Variants in TMEM135 observed in about 807,000 individuals in gnomAD.
The protein encoded by TMEM135 is peroxisomal membrane protein 52.
In TMEM135, 30 loss-of-function variants were observed where a neutral mutation model predicts 60.3. The ratio of observed to expected loss-of-function variants is 0.50; its 90% CI spans 0.37 to 0.68. TMEM135 has a LOEUF of 0.68. Among genes scored for constraint, TMEM135 ranks in the 30% least tolerant of loss-of-function variants. The probability of loss-of-function intolerance (pLI) is 0.00; values close to 1 mark genes in which losing one functional copy is unlikely to be tolerated. For missense variants in TMEM135, 468 were observed against 548.8 expected, an observed-to-expected ratio of 0.85 and a Z score of 1.47; for synonymous variants, 190 against 186.7, an observed-to-expected ratio of 1.02 and a Z score of -0.14.
intron 3 of TMEM135, among the ~76,000 whole-genome samples, chr11:87,073,223 C>T (rs140119225): frequency 0.014 from 2,202 of 152,090 alleles, 66 homozygotes; most frequent in African/African-American, 0.05. Context: ...TTAGTAGAGA[C>T]GGGGTTTCAC....
In TMEM135 at chr11:87,319,456, T is replaced by C. The variant is rs1942786548; in HGVS notation, c.1244+79T>C. 31 of 999,918 alleles carry C rather than the reference T, an allele frequency of 3.1e-5. No individual in the cohort carries two copies. The South Asian group carries it at 4.3e-4, about 14-fold the overall frequency. The allele number at this position is 999,918 out of a possible 1,614,324, so 61.9% of individuals were successfully genotyped here. On this transcript the variant is annotated intron_variant, in intron 14 of 14. Coordinates refer to ENST00000305494, the MANE Select transcript of TMEM135 (RefSeq NM_022918.4). ...AGGGAATATTCTTTCAGTGGTAAAGTAGGTATTTATATATAAATAAAATAT... is the reference window on the plus strand; with the variant it reads ...AGGGAATATTCTTTCAGTGGTAAAGCAGGTATTTATATATAAATAAAATAT...
At chr11:87,053,286 A>T (rs1191792226) in intron 1 of TMEM135, among the ~76,000 whole-genome samples, 3 of 78,708 alleles carry the variant, frequency 3.8e-5, no homozygotes, top group Non-Finnish European at 6.4e-5. Context: ...CAATTTGTGC[A>T]TAAGCAATAT....
At position 87,071,612 on chromosome 11, in the gene TMEM135, G is replaced by A; in HGVS notation, c.359G>A (p.Ser120Asn). Residue 120 changes from serine (S) to asparagine (N), a missense_variant, in exon 3 of 15, where the codon AGC becomes AAC. Ser to Asn is a conservative substitution (Grantham distance 46). Transcript: ENST00000305494. ...GTGGCCATTCTCATTGAAAGAAAAA[G>A]CAGGTAAAATTTCATATATTTATTT... ...SYVAILIERK[S>N]RRGLLTIYMA... The A allele has an allele frequency of 2.5e-6, 4 of 1,612,752 alleles. No homozygotes were observed. The highest frequency in any genetic ancestry group is 3.4e-6 in the Non-Finnish European group (4 of 1,179,462).
At chr11:87,305,128 A>G (rs1355833125) in intron 8 of TMEM135, among the ~76,000 whole-genome samples, 1 of 152,122 alleles carries the variant, frequency 6.6e-6, no homozygotes. Context: ...TTTCTTTTCC[A>G]GATGTTTTCT....
intron 1 of TMEM135, among the ~76,000 whole-genome samples, chr11:87,043,645 C>A (rs1480400023): frequency 6.6e-6 from 1 of 151,986 alleles, no homozygotes; most frequent in East Asian, 1.9e-4. Flanking sequence ...ATCACTTGAA[C>A]CTGGGAGGCG....
intron 3 of TMEM135, among the ~76,000 whole-genome samples, chr11:87,083,946 A>G (rs575915748): frequency 1.4e-4 from 21 of 152,186 alleles, no homozygotes; most frequent in African/African-American, 5.1e-4. Flanking sequence ...TTTATAGAAC[A>G]TATAATTATT....
Position 87,328,049 on chromosome 11 carries a change from C to G in TMEM135, c.*6716C>G, listed in dbSNP as rs1301150738. On this transcript the variant is annotated 3_prime_UTR_variant, in exon 15 of 15. Transcript: ENST00000305494. Reference sequence around the variant, plus strand: ...ACCCCAAAATAATGCCTTACCAGTTCTCTAGATATTCCTTAATCCAGTCAA... The same window carrying G: ...ACCCCAAAATAATGCCTTACCAGTTGTCTAGATATTCCTTAATCCAGTCAA... 8.8e-6 allele frequency: 4 copies of G among 453,964 alleles called. No homozygotes were observed. The highest frequency in any genetic ancestry group is 6.8e-4 in the Middle Eastern group (1 of 1,466). The allele number at this position is 453,964 out of a possible 1,614,324, so 28.1% of individuals were successfully genotyped here.
At chr11:87,081,951 C>A (rs1036588977) in intron 3 of TMEM135, among the ~76,000 whole-genome samples, 1 of 152,028 alleles carries the variant, frequency 6.6e-6, no homozygotes, top group East Asian at 1.9e-4. Flanking sequence ...TTATTGAACT[C>A]TTTGTGTATG....
intron 5 of TMEM135, among the ~76,000 whole-genome samples, chr11:87,226,342 T>A (rs1235780696): frequency 6.6e-6 from 1 of 152,232 alleles, no homozygotes; most frequent in Non-Finnish European, 1.5e-5. Flanking sequence ...GTTTCATGAA[T>A]GATTTCTTGT....
chr11:87,209,672 A>C (rs541048349), intron 5 of TMEM135, among the ~76,000 whole-genome samples: 3 of 152,128 alleles, frequency 2.0e-5, no homozygotes, highest in African/African-American at 7.2e-5. Flanking sequence ...CTTTAACTCA[A>C]CACGACCAGT....
chr11:87,195,676 T>C (rs1939938893), intron 5 of TMEM135, among the ~76,000 whole-genome samples: 1 of 152,022 alleles, frequency 6.6e-6, no homozygotes, highest in South Asian at 2.1e-4. Flanking sequence ...TCCCAAAGCG[T>C]TGGGATTACA....
chr11:87,105,025 A>T (rs532869190), intron 4 of TMEM135, among the ~76,000 whole-genome samples: 2 of 152,234 alleles, frequency 1.3e-5, no homozygotes, highest in East Asian at 1.9e-4. Context: ...TCAACTTTTC[A>T]CTGTTGAGTA....
At chr11:87,178,434 A>T (rs1490513738) in intron 5 of TMEM135, 1 of 456,110 alleles carries the variant, frequency 2.2e-6, no homozygotes, top group Non-Finnish European at 4.4e-6. Flanking sequence ...TTTCCTTAAC[A>T]TAATGCGTTT....
chr11:87,086,494 A>G (rs2512380), intron 3 of TMEM135, among the ~76,000 whole-genome samples: 82,933 of 151,882 alleles, frequency 0.55, 23,422 homozygotes, highest in East Asian at 0.71. Flanking sequence ...GAATTTTATT[A>G]AGCGGTGGAA....
chr11:87,233,559 CTT>C (rs2135370223), intron 5 of TMEM135, among the ~76,000 whole-genome samples: 1 of 152,150 alleles, frequency 6.6e-6, no homozygotes, highest in African/African-American at 2.4e-5. Flanking sequence ...TATGTTGAAA[CTT>C]ATGAAATTGT....
chr11:87,106,420 A>G (rs1025148840), intron 4 of TMEM135, among the ~76,000 whole-genome samples: 1 of 152,146 alleles, frequency 6.6e-6, no homozygotes. Flanking sequence ...CAGTATTTCA[A>G]GTGAAATATT....
intron 5 of TMEM135, among the ~76,000 whole-genome samples, chr11:87,217,739 G>A (rs1379841011): frequency 4.6e-5 from 7 of 151,992 alleles, no homozygotes; most frequent in East Asian, 1.9e-4. Flanking sequence ...AGTCGAGATC[G>A]TGCCATTGCA....
chr11:87,060,666 G>A (rs1309409188), intron 1 of TMEM135, among the ~76,000 whole-genome samples: 6 of 144,714 alleles, frequency 4.1e-5, no homozygotes, highest in Admixed American at 1.4e-4. Context: ...TTTTTGAGAC[G>A]GAGTCTCGCT....
At chr11:87,191,048 T>C (rs560784515) in intron 5 of TMEM135, among the ~76,000 whole-genome samples, 7 of 152,234 alleles carry the variant, frequency 4.6e-5, no homozygotes, top group Non-Finnish European at 8.8e-5. Context: ...CTCATTCACA[T>C]AGCCGTTGAC....
Sources: gnomAD v4.1 joint callset for allele counts (sites outside exome capture counted in the v4.1 genomes callset) on GRCh38, gnomAD v4.1.1 for gene constraint, MANE v1.5 for transcripts, NCBI Gene and HGNC (gene_info 2026-07-23, HGNC 2026-07-21) for gene names.